WASHC4: variants seen among roughly 807,000 people sequenced by gnomAD.
WASHC4 encodes WASH complex subunit 7.
WASHC4 carries 86 observed loss-of-function variants against 166.6 expected under a neutral mutation model. The ratio of observed to expected loss-of-function variants is 0.52; its 90% CI spans 0.43 to 0.62. WASHC4 has a LOEUF of 0.62. WASHC4 is among the 20% of genes least tolerant of loss of function. The pLI, the probability that WASHC4 is intolerant of heterozygous loss-of-function variation, is 0.00. For missense variants in WASHC4, 1,262 were observed against 1,382.4 expected, an observed-to-expected ratio of 0.91 and a Z score of 1.38; for synonymous variants, 446 against 451.6, an observed-to-expected ratio of 0.99 and a Z score of 0.16.
At chr12:105,129,103 G>A (rs1414144210) in intron 13 of WASHC4, among the ~76,000 whole-genome samples, 1 of 151,884 alleles carries the variant, frequency 6.6e-6, no homozygotes, top group Non-Finnish European at 1.5e-5. Flanking sequence ...CCACCACCAC[G>A]CCCGGCTAAT....
chr12:105,148,627 G>GA (rs1377265722), intron 24 of WASHC4: 1 of 985,088 alleles, frequency 1.0e-6, no homozygotes, highest in Non-Finnish European at 1.2e-6. Flanking sequence ...CAAAGAAACA[G>GA]AAAAAACAAG....
At position 105,153,145 on chromosome 12, in the gene WASHC4, G is replaced by A. The variant is rs75660189; in HGVS notation, c.2758+694G>A. ...GGGTTATTTAGCTATAAGTCCAAAT[G>A]GGTTTTATATTCTTGAAAGTTTATA... On this transcript the variant is annotated intron_variant, in intron 26 of 32. Transcript: ENST00000332180. Among the ~76,000 whole-genome samples, 261 of 152,250 alleles carry A rather than the reference G, an allele frequency of 1.7e-3. 2 individuals are homozygous for A. Among genetic ancestry groups the A allele is most frequent in the African/African-American group, 5.9e-3 (245 of 41,538 alleles).
chr12:105,114,483 T>C (rs574238923), intron 4 of WASHC4, 56 bp downstream of exon 4: 25 of 1,109,682 alleles, frequency 2.3e-5, no homozygotes, highest in South Asian at 1.7e-4. Context: ...GAAGCAAGTA[T>C]GTGTTTATAT....
Position 105,167,201 on chromosome 12 carries a change from C to T in WASHC4, c.*270C>T, listed in dbSNP as rs1282861790. 2 of 417,116 alleles carry T rather than the reference C, an allele frequency of 4.8e-6. No homozygotes were observed. Among genetic ancestry groups the T allele is most frequent in the African/African-American group, 4.0e-5 (2 of 49,776 alleles). The allele number at this position is 417,116 out of a possible 1,614,324, so 25.8% of individuals were successfully genotyped here. A position where few individuals can be genotyped will look rare whatever the true frequency, so the allele number is the denominator to read the frequency against. On this transcript the variant is annotated 3_prime_UTR_variant, in exon 33 of 33. Transcript: ENST00000332180. ...TATTTGAAGTGAAGTTATAAAAGGG[C>T]AAATCCAGATTCATAAACTATCACC...
chr12:105,126,051 G>T lies in WASHC4; in HGVS notation c.834G>T (p.Val278=), dbSNP rs747289662. ...QFDSLNGGVS[V]SKNSTFAEEF... is the part of the protein sequence containing the mutation. ...ATTCTCTCAATGGAGGAGTATCTGT[G>T]TCAAAAAATAGTACTTTTGCTGAGG... is the stretch of plus-strand genomic sequence containing the variant. The change falls in exon 11 of 33, where the codon GTG becomes GTT. Residue 278 remains valine, a synonymous_variant. Transcript: ENST00000332180. 1.2e-6 allele frequency: 2 copies of T among 1,612,706 alleles called. No individual in the cohort carries two copies. The highest frequency in any genetic ancestry group is 1.7e-6 in the Non-Finnish European group (2 of 1,179,104).
chr12:105,143,704 TA>T (rs1566017970), intron 20 of WASHC4, among the ~76,000 whole-genome samples: 4 of 152,174 alleles, frequency 2.6e-5, no homozygotes, highest in African/African-American at 9.6e-5. Context: ...ATATGTATTA[TA>T]AACACTGATA....
At chr12:105,148,133 A>G in intron 24 of WASHC4, 1 of 985,228 alleles carries the variant, frequency 1.0e-6, no homozygotes, top group South Asian at 4.7e-5. Context: ...TTAAGTTGGG[A>G]TCATTTAAGT....
At chr12:105,119,805 T>C (rs1880555088) in intron 7 of WASHC4, among the ~76,000 whole-genome samples, 1 of 152,244 alleles carries the variant, frequency 6.6e-6, no homozygotes, top group South Asian at 2.1e-4. Flanking sequence ...TAAAACTTGT[T>C]GAGCAAAATG....
intron 26 of WASHC4, among the ~76,000 whole-genome samples, chr12:105,155,724 C>T (rs900860370): frequency 1.3e-4 from 20 of 151,930 alleles, no homozygotes; most frequent in Non-Finnish European, 2.9e-4. Flanking sequence ...GCCATGTGAT[C>T]ACAGCTACTT....
intron 18 of WASHC4, among the ~76,000 whole-genome samples, chr12:105,142,022 T>A (rs1403894530): frequency 6.7e-6 from 1 of 150,274 alleles, no homozygotes; most frequent in Non-Finnish European, 1.5e-5. Flanking sequence ...GTCACAATTT[T>A]TTTTTTTTAA....
rs201756123 is a variant in WASHC4 at position 105,115,278 on chromosome 12, C to G, written c.367+49C>G. On this transcript the variant is annotated intron_variant, in intron 5 of 32. Coordinates refer to ENST00000332180, the MANE Select transcript of WASHC4 (RefSeq NM_015275.3). ...GATGCCTTTTTGATATTGAAATGAA[C>G]AAAAAGTTAACAGACAATTTTAGGA... 3.1e-4 allele frequency: 356 copies of G among 1,132,856 alleles called. 1 individual carries two copies. Among genetic ancestry groups the G allele is most frequent in the Middle Eastern group, 1.8e-3 (9 of 5,092 alleles). 70.2% of individuals were successfully genotyped at this position (1,132,856 alleles called of 1,614,324 possible).
Position 105,147,872 on chromosome 12 carries a change from T to C in WASHC4, c.2514+726T>C, listed in dbSNP as rs148458827. On this transcript the variant is annotated intron_variant, in intron 24 of 32. Transcript: ENST00000332180. ...GTGAGCTGAGATTGCGCCATTGCAC[T>C]CCAGCTTGGGCAGCAAGAGCGAAAC... 9.1e-3 allele frequency: 8,351 copies of C among 914,744 alleles called. 45 individuals carry two copies. Among genetic ancestry groups the C allele is most frequent in the Non-Finnish European group, 0.01 (7,804 of 770,184 alleles). 56.7% of individuals were successfully genotyped at this position (914,744 alleles called of 1,614,324 possible).
chr12:105,152,010 C>A (rs935895728), intron 25 of WASHC4, among the ~76,000 whole-genome samples: 2 of 152,012 alleles, frequency 1.3e-5, no homozygotes, highest in African/African-American at 4.8e-5. Context: ...CCTATTCAGC[C>A]CACAGAAACT....
intron 15 of WASHC4, 85 bp downstream of exon 15, chr12:105,138,096 C>T: frequency 3.0e-6 from 4 of 1,352,500 alleles, no homozygotes; most frequent in Non-Finnish European, 4.1e-6. Flanking sequence ...GGTTTGACTA[C>T]ATGATTATAT....
chr12:105,141,826 G>C (rs1055205527), intron 18 of WASHC4, among the ~76,000 whole-genome samples: 1 of 151,904 alleles, frequency 6.6e-6, no homozygotes, highest in African/African-American at 2.4e-5. Context: ...TTACTTTTTT[G>C]TTGTTCTGGA....
At position 105,111,220 on chromosome 12, in the gene WASHC4, A is replaced by G. The variant is rs536953726; in HGVS notation, c.157A>G (p.Ile53Val). The G allele has an allele frequency of 6.2e-6, 10 of 1,610,976 alleles. No individual in the cohort carries two copies. The highest frequency in any genetic ancestry group is 2.2e-5 in the East Asian group (1 of 44,774). Reference protein sequence around the residue: ...RRIEDALDDSIGDVWDFNLDP... With the variant: ...RRIEDALDDSVGDVWDFNLDP... Reference sequence around the variant, plus strand: ...AATTGAGGACGCTCTGGATGACTCAATTGGAGATGTTTGGGATTTCAATCT... The same window carrying G: ...AATTGAGGACGCTCTGGATGACTCAGTTGGAGATGTTTGGGATTTCAATCT... Residue 53 changes from isoleucine (I) to valine (V), a missense_variant, in exon 2 of 33, where the codon ATT (isoleucine) becomes GTT (valine). Physicochemically the swap from Ile to Val is conservative, Grantham distance 29 (BLOSUM62 3). Transcript: ENST00000332180.
At chr12:105,162,459 A>G (rs772166983) in intron 29 of WASHC4, among the ~76,000 whole-genome samples, 20 of 152,130 alleles carry the variant, frequency 1.3e-4, no homozygotes, top group Non-Finnish European at 2.9e-4. Flanking sequence ...TGTGCATAAT[A>G]TTTTATAATG....
At chr12:105,121,008 G>A (rs1196836) in intron 8 of WASHC4, 93 bp from the exon 9 acceptor site, 3 of 809,562 alleles carry the variant, frequency 3.7e-6, no homozygotes, top group Non-Finnish European at 6.4e-6. Flanking sequence ...TACTAATTCA[G>A]TAATCAGCCC....
In WASHC4 at chr12:105,144,266, TA is replaced by T. The variant is rs1477529711; in HGVS notation, c.2011-20del. 9 of 1,595,948 alleles carry T rather than the reference TA, an allele frequency of 5.6e-6. No homozygotes were observed. Among genetic ancestry groups the T allele is most frequent in the African/African-American group, 1.3e-5 (1 of 74,322 alleles). On this transcript the variant is annotated intron_variant, in intron 20 of 32. Transcript: ENST00000332180. ...GCAATATCATTTTGAAAAATTAAAGTATCAAATCTTTTGTGAATAGCATTTG... is the reference window on the plus strand; with the variant it reads ...GCAATATCATTTTGAAAAATTAAAGTTCAAATCTTTTGTGAATAGCATTTG...
Sources: allele counts gnomAD v4.1 joint callset (sites outside exome capture counted in the v4.1 genomes callset), GRCh38; gene constraint gnomAD v4.1.1; transcripts MANE v1.5; gene names NCBI Gene and HGNC (gene_info 2026-07-23, HGNC 2026-07-21).